The following REV3L variants were observed in gnomAD, a reference collection of about 807,000 sequenced individuals.
REV3L encodes REV3 like, DNA directed polymerase zeta catalytic subunit.
In REV3L, 69 loss-of-function variants were observed where a neutral mutation model predicts 299.4. The observed-to-expected ratio is 0.23, with a 90% CI of 0.19 to 0.28. The LOEUF is 0.28. Ranked by LOEUF, REV3L falls within the 10% of genes least tolerant of loss-of-function variation. REV3L has a pLI of 1.00. For missense variants in REV3L, 3,128 were observed against 3,693.8 expected, an observed-to-expected ratio of 0.85 and a Z score of 3.97; for synonymous variants, 1,238 against 1,271.4, an observed-to-expected ratio of 0.97 and a Z score of 0.56.
chr6:111,307,673 A>G (rs1772473983), intron 30 of REV3L, 103 bp from the exon 31 acceptor site: 1 of 1,038,990 alleles, frequency 9.6e-7, no homozygotes. Flanking sequence ...TCATTCGTTC[A>G]TTCACTCATT....
intron 1 of REV3L, among the ~76,000 whole-genome samples, chr6:111,423,204 T>G (rs1267832063): frequency 6.6e-6 from 1 of 152,048 alleles, no homozygotes; most frequent in Non-Finnish European, 1.5e-5. Context: ...GAGAAAATGA[T>G]GAATAAATAG....
At chr6:111,360,901 T>C (rs778984649) in intron 16 of REV3L, among the ~76,000 whole-genome samples, 1 of 151,798 alleles carries the variant, frequency 6.6e-6, no homozygotes, top group Non-Finnish European at 1.5e-5. Flanking sequence ...AAAATATTAG[T>C]ATTAAAAAAA....
At chr6:111,325,107 C>T (rs141850275) in intron 25 of REV3L, among the ~76,000 whole-genome samples, 13 of 152,266 alleles carry the variant, frequency 8.5e-5, no homozygotes, top group Middle Eastern at 3.4e-3. Context: ...GTGATCCACC[C>T]GCCTTGGCCT....
intron 1 of REV3L, among the ~76,000 whole-genome samples, chr6:111,418,808 G>T (rs1785025123): frequency 6.6e-6 from 1 of 152,034 alleles, no homozygotes; most frequent in African/African-American, 2.4e-5. Context: ...TCTTAGGGAG[G>T]TGTTATTGTG....
intron 1 of REV3L, among the ~76,000 whole-genome samples, chr6:111,470,063 G>A (rs945869728): frequency 2.0e-5 from 3 of 151,752 alleles, no homozygotes; most frequent in African/African-American, 4.9e-5. Context: ...CTATCACCTT[G>A]TAAACACAAA....
At chr6:111,466,035 C>T (rs1289361880) in intron 1 of REV3L, among the ~76,000 whole-genome samples, 1 of 152,160 alleles carries the variant, frequency 6.6e-6, no homozygotes, top group Non-Finnish European at 1.5e-5. Context: ...AAGCTCGAAA[C>T]TTAGCATTTA....
intron 16 of REV3L, 37 bp from the exon 17 acceptor site, chr6:111,359,051 T>G: frequency 6.5e-7 from 1 of 1,530,264 alleles, no homozygotes; most frequent in Non-Finnish European, 8.9e-7. Context: ...TTTAAAACAT[T>G]TTTTAAAGAC....
intron 1 of REV3L, among the ~76,000 whole-genome samples, chr6:111,475,961 T>A (rs1051429276): frequency 6.6e-6 from 1 of 152,248 alleles, no homozygotes; most frequent in East Asian, 1.9e-4. Flanking sequence ...TATTAAACAA[T>A]TCTTCTTTTC....
chr6:111,430,348 C>CT, intron 1 of REV3L: 2 of 1,180,422 alleles, frequency 1.7e-6, no homozygotes, highest in South Asian at 2.4e-5. Flanking sequence ...GATCATTAAA[C>CT]ACCCAATGGA....
chr6:111,323,358 TG>T (rs1421858760), intron 25 of REV3L, among the ~76,000 whole-genome samples: 2 of 152,208 alleles, frequency 1.3e-5, no homozygotes, highest in African/African-American at 2.4e-5. Context: ...CATGAGTATA[TG>T]TACGTGTATC....
chr6:111,351,179 C>A (rs1488650464), intron 19 of REV3L, among the ~76,000 whole-genome samples: 1 of 151,638 alleles, frequency 6.6e-6, no homozygotes, highest in Non-Finnish European at 1.5e-5. Context: ...AAATAAAAAT[C>A]AATGATTAGT....
chr6:111,364,413 GAATTA>G (rs1472807585), intron 15 of REV3L, among the ~76,000 whole-genome samples: 1 of 151,944 alleles, frequency 6.6e-6, no homozygotes, highest in Non-Finnish European at 1.5e-5. Flanking sequence ...TCTGAAAGAT[GAATTA>G]AATAAAACAA....
intron 1 of REV3L, among the ~76,000 whole-genome samples, chr6:111,422,613 C>CACATATATATATAT (rs1785566540): frequency 9.7e-4 from 7 of 7,186 alleles, no homozygotes; most frequent in African/African-American, 3.2e-3. Flanking sequence ...TATATATATA[C>CACATATATATATAT]ACATATATAT....
intron 1 of REV3L, among the ~76,000 whole-genome samples, chr6:111,456,769 T>C (rs553205572): frequency 3.0e-4 from 45 of 152,276 alleles, no homozygotes; most frequent in Non-Finnish European, 4.9e-4. Flanking sequence ...ATCCAAAGAA[T>C]CTCTGGTAAA....
At chr6:111,466,697 T>A (rs916577644) in intron 1 of REV3L, among the ~76,000 whole-genome samples, 11 of 151,904 alleles carry the variant, frequency 7.2e-5, no homozygotes, top group African/African-American at 2.4e-4. Flanking sequence ...ATTAGACAGG[T>A]ATGGTGTGGT....
In REV3L at chr6:111,390,170, A is replaced by G. The variant is rs772938788; in HGVS notation, c.673T>C (p.Leu225=). The change falls in exon 6 of 32, where the codon TTG becomes CTG. Residue 225 remains leucine (L), a synonymous_variant. Transcript: ENST00000368802. The part of the protein sequence containing the change: ...EQDEIPSSLI[L]EGVEPQSTCE... The stretch of plus-strand genomic sequence containing the variant: ...GTACTCTGTGGTTCAACACCTTCCA[A>G]TATTAAAGAGCTGCAATTAAAGGAT... 1.9e-6 allele frequency: 3 copies of G among 1,590,900 alleles called. No homozygotes were observed. Among genetic ancestry groups the G allele is most frequent in the South Asian group, 2.2e-5 (2 of 90,288 alleles).
intron 24 of REV3L, 77 bp downstream of exon 24, chr6:111,331,599 C>A: frequency 1.1e-6 from 1 of 945,268 alleles, no homozygotes. Flanking sequence ...TATTATGTGC[C>A]AACAATATCT....
chr6:111,344,784 G>A (rs1190353064), intron 20 of REV3L, among the ~76,000 whole-genome samples: 1 of 152,092 alleles, frequency 6.6e-6, no homozygotes, highest in Non-Finnish European at 1.5e-5. Context: ...GGTCAGTTTC[G>A]GATTCAGAAA....
chr6:111,357,008 C>A lies in REV3L; in HGVS notation c.7184+6G>T. The A allele has an allele frequency of 6.7e-7, 1 of 1,502,488 alleles. No homozygotes were observed. Among genetic ancestry groups the A allele is most frequent in the Non-Finnish European group, 9.1e-7 (1 of 1,095,628 alleles). 93.1% of individuals were successfully genotyped at this position (1,502,488 alleles called of 1,614,324 possible). ...AACTGGAAAAATCAGATATACAAAACAATACCTCTTTATTATATTTGCAAT... is the reference window on the plus strand; with the variant it reads ...AACTGGAAAAATCAGATATACAAAAAAATACCTCTTTATTATATTTGCAAT... On this transcript the variant is annotated splice_donor_region_variant and intron_variant, in intron 18 of 31. Transcript: ENST00000368802.
Sources: gnomAD v4.1 joint callset for allele counts (sites outside exome capture counted in the v4.1 genomes callset) on GRCh38, gnomAD v4.1.1 for gene constraint, MANE v1.5 for transcripts, NCBI Gene and HGNC (gene_info 2026-07-23, HGNC 2026-07-21) for gene names.